XPNPEP3: variants seen among roughly 807,000 people sequenced by gnomAD.
XPNPEP3 encodes the protein X-prolyl aminopeptidase 3.
XPNPEP3 carries 41 observed loss-of-function variants against 60.0 expected under a neutral mutation model. That is an observed-to-expected ratio of 0.68 (90% CI 0.53 to 0.89). XPNPEP3 has a LOEUF of 0.89. Among genes scored for constraint, XPNPEP3 ranks in the 40% least tolerant of loss-of-function variants. The pLI is 0.00. For missense variants in XPNPEP3, 598 were observed against 638.9 expected (o/e 0.94, Z 0.69); for synonymous variants, 212 against 223.2 (o/e 0.95, Z 0.45).
intron 1 of XPNPEP3, among the ~76,000 whole-genome samples, chr22:40,864,492 C>G (rs1276652010): frequency 1.3e-5 from 2 of 152,124 alleles, no homozygotes; most frequent in African/African-American, 4.8e-5. Context: ...ATTGCCCAGG[C>G]TGGAGTGCAA....
chr22:40,917,965 T>G (rs1390662222), intron 7 of XPNPEP3: 1 of 148,416 alleles, frequency 6.7e-6, no homozygotes, highest in African/African-American at 2.5e-5. Context: ...GAGCTGTGAC[T>G]GCACTACTAC....
At chr22:40,876,714 A>T (rs1301627982) in intron 2 of XPNPEP3, among the ~76,000 whole-genome samples, 1 of 152,234 alleles carries the variant, frequency 6.6e-6, no homozygotes, top group Non-Finnish European at 1.5e-5. Context: ...CCTAACTCAG[A>T]ATCCACACTT....
At chr22:40,865,786 C>T (rs902007740) in intron 1 of XPNPEP3, among the ~76,000 whole-genome samples, 4 of 152,122 alleles carry the variant, frequency 2.6e-5, no homozygotes, top group South Asian at 2.1e-4. Flanking sequence ...CTGCCTGCCT[C>T]GGCCTCCCAA....
At chr22:40,919,542 T>G (rs1484356394) in intron 7 of XPNPEP3, among the ~76,000 whole-genome samples, 1 of 152,196 alleles carries the variant, frequency 6.6e-6, no homozygotes, top group Non-Finnish European at 1.5e-5. Context: ...TATTTTGTTT[T>G]TTTGTAGAGA....
At position 40,906,588 on chromosome 22, in the gene XPNPEP3, A is replaced by G. The variant is rs76223814; in HGVS notation, c.793-999A>G. 4.3e-3 allele frequency among the ~76,000 whole-genome samples: 656 copies of G among 152,322 alleles called. 3 individuals are homozygous for G. The highest frequency in any genetic ancestry group is 7.4e-3 in the Admixed American group (113 of 15,292). The stretch of plus-strand genomic sequence containing the variant: ...ATTGGGAATGCTTCTGGCATCCTAC[A>G]TTGAACAGGACAGCTCTCCCACGAG... On this transcript the variant is annotated intron_variant, in intron 4 of 9. Transcript: ENST00000357137.
At chr22:40,900,615 ATAAT>A (rs759612879) in intron 4 of XPNPEP3, among the ~76,000 whole-genome samples, 1 of 152,038 alleles carries the variant, frequency 6.6e-6, no homozygotes, top group Non-Finnish European at 1.5e-5. Context: ...CAAAAAAAAA[ATAAT>A]TAAACTTAAT....
intron 3 of XPNPEP3, among the ~76,000 whole-genome samples, chr22:40,883,039 G>A (rs943442303): frequency 6.6e-6 from 1 of 152,132 alleles, no homozygotes; most frequent in African/African-American, 2.4e-5. Context: ...ACTGCACAAC[G>A]TAGTGAGACC....
chr22:40,895,495 C>G (rs538732169), intron 4 of XPNPEP3, among the ~76,000 whole-genome samples: 1 of 151,770 alleles, frequency 6.6e-6, no homozygotes, highest in African/African-American at 2.4e-5. Flanking sequence ...CCAGCACGCC[C>G]GGCTTATTTT....
chr22:40,885,904 C>T (rs1344762615), intron 3 of XPNPEP3, among the ~76,000 whole-genome samples: 1 of 152,108 alleles, frequency 6.6e-6, no homozygotes, highest in African/African-American at 2.4e-5. Context: ...ATCGTTTGAA[C>T]CTGGGAGGCG....
intron 4 of XPNPEP3, among the ~76,000 whole-genome samples, chr22:40,902,194 C>A (rs1328576109): frequency 2.0e-5 from 3 of 149,154 alleles, no homozygotes; most frequent in Admixed American, 6.7e-5. Context: ...TGCCTCCTGC[C>A]TCAGCCTCCC....
intron 6 of XPNPEP3, among the ~76,000 whole-genome samples, chr22:40,913,721 A>G (rs2058184950): frequency 6.6e-6 from 1 of 152,150 alleles, no homozygotes; most frequent in African/African-American, 2.4e-5. Flanking sequence ...TTCTTGTGGC[A>G]GGGTGAATTC....
chr22:40,895,577 C>T (rs2058104694), intron 4 of XPNPEP3, among the ~76,000 whole-genome samples: 1 of 152,034 alleles, frequency 6.6e-6, no homozygotes, highest in African/African-American at 2.4e-5. Context: ...TCAGGTGATC[C>T]ACCCACCTCA....
chr22:40,859,675 C>T (rs2057929719), intron 1 of XPNPEP3: 1 of 152,132 alleles, frequency 6.6e-6, no homozygotes, highest in Non-Finnish European at 1.5e-5. Context: ...AAATCAAATA[C>T]CGATACAAAA....
At chr22:40,916,417 T>C (rs1359051821) in intron 7 of XPNPEP3, among the ~76,000 whole-genome samples, 1 of 152,102 alleles carries the variant, frequency 6.6e-6, no homozygotes, top group East Asian at 1.9e-4. Flanking sequence ...ATGGAGAATC[T>C]CAATGAGAAA....
chr22:40,905,276 T>G (rs774816944), intron 4 of XPNPEP3, among the ~76,000 whole-genome samples: 2 of 151,792 alleles, frequency 1.3e-5, no homozygotes, highest in Non-Finnish European at 2.9e-5. Flanking sequence ...GAGACCGTGT[T>G]TCACTGTGTT....
At chr22:40,895,086 A>AT (rs2058102528) in intron 4 of XPNPEP3, among the ~76,000 whole-genome samples, 1 of 152,152 alleles carries the variant, frequency 6.6e-6, no homozygotes, top group South Asian at 2.1e-4. Context: ...TTCATACAGA[A>AT]TTGCCCTCAG....
At chr22:40,886,563 C>T (rs866776166) in intron 4 of XPNPEP3, 48 bp downstream of exon 4, 9 of 1,580,918 alleles carry the variant, frequency 5.7e-6, no homozygotes, top group Non-Finnish European at 6.0e-6. Context: ...CGGTGGCTCA[C>T]GCCTGTAATC....
At chr22:40,924,597 C>G (rs1235606841) in intron 9 of XPNPEP3, 115 bp downstream of exon 9, 2 of 1,435,586 alleles carry the variant, frequency 1.4e-6, no homozygotes, top group African/African-American at 1.4e-5. Flanking sequence ...GATCTTCACT[C>G]ACTGCAACCT....
chr22:40,862,416 T>C, intron 1 of XPNPEP3: 1 of 988,968 alleles, frequency 1.0e-6, no homozygotes, highest in South Asian at 4.7e-5. Context: ...CTTAATTGCT[T>C]CCCAGCTCTT....
Sources: allele counts gnomAD v4.1 joint callset (sites outside exome capture counted in the v4.1 genomes callset), GRCh38; gene constraint gnomAD v4.1.1; transcripts MANE v1.5; gene names NCBI Gene and HGNC (gene_info 2026-07-23, HGNC 2026-07-21).